The following NEIL2 variants were observed in gnomAD, a reference collection of about 807,000 sequenced individuals.
NEIL2 encodes endonuclease 8-like 2.
Under a neutral mutation model 22.2 loss-of-function variants are expected in NEIL2, and 23 were observed. That is an observed-to-expected ratio of 1.04 (90% CI 0.75 to 1.47). The LOEUF (loss-of-function observed/expected upper bound fraction) is 1.47. Among genes scored for constraint, NEIL2 ranks in the 40% most tolerant of loss-of-function variants. NEIL2 has a pLI of 0.00. For synonymous variants in NEIL2, 229 were observed against 164.8 expected (o/e 1.39, Z -2.99); for missense variants, 583 against 404.7 (o/e 1.44, Z -3.78).
At chr8:11,775,621 T>C (rs1803846958) in intron 2 of NEIL2, among the ~76,000 whole-genome samples, 1 of 152,230 alleles carries the variant, frequency 6.6e-6, no homozygotes, top group South Asian at 2.1e-4. Flanking sequence ...TTCTACTGCA[T>C]CATCAGGCTG....
At chr8:11,784,703 T>C (rs760384691) in intron 4 of NEIL2, among the ~76,000 whole-genome samples, 3 of 152,212 alleles carry the variant, frequency 2.0e-5, no homozygotes, top group Non-Finnish European at 4.4e-5. Flanking sequence ...TTGCAATGAA[T>C]GCCTGGTGGA....
intron 2 of NEIL2, among the ~76,000 whole-genome samples, chr8:11,778,999 T>C (rs1804158641): frequency 6.8e-6 from 1 of 147,762 alleles, no homozygotes; most frequent in African/African-American, 2.5e-5. Flanking sequence ...ACATTTTCTA[T>C]ATTTATTTTC....
At chr8:11,780,532 A>G (rs1804318624) in intron 3 of NEIL2, among the ~76,000 whole-genome samples, 1 of 152,114 alleles carries the variant, frequency 6.6e-6, no homozygotes, top group African/African-American at 2.4e-5. Context: ...GGTGCGTGCC[A>G]CCACACCGGC....
intron 2 of NEIL2, among the ~76,000 whole-genome samples, chr8:11,773,578 A>G (rs1247102923): frequency 1.3e-5 from 2 of 152,168 alleles, no homozygotes; most frequent in East Asian, 3.8e-4. Flanking sequence ...TGCAGGAGGT[A>G]GGACTTGAGT....
Position 11,787,304 on chromosome 8 carries a change from A to G in NEIL2, c.*1031A>G, listed in dbSNP as rs1271944241. Reference sequence around the variant, plus strand: ...CATGTTGTTGGCAACAGGTGAATGAACCTAGAGCGGTGACATGAAAATAAA... The same window carrying G: ...CATGTTGTTGGCAACAGGTGAATGAGCCTAGAGCGGTGACATGAAAATAAA... On this transcript the variant is annotated 3_prime_UTR_variant, in exon 5 of 5. Coordinates refer to ENST00000284503, the MANE Select transcript of NEIL2 (RefSeq NM_145043.4). 6.6e-6 allele frequency: 1 copy of G among 152,624 alleles called. No individual in the cohort carries two copies. Among genetic ancestry groups the G allele is most frequent in the African/African-American group, 2.4e-5 (1 of 41,436 alleles). The allele number at this position is 152,624 out of a possible 1,614,324, so 9.5% of individuals were successfully genotyped here.
intron 3 of NEIL2, 42 bp from the exon 4 acceptor site, chr8:11,783,161 T>C: frequency 6.4e-7 from 1 of 1,572,982 alleles, no homozygotes. Flanking sequence ...CTGACTATAC[T>C]GTGGTAACGA....
At chr8:11,776,950 C>T (rs1033337714) in intron 2 of NEIL2, among the ~76,000 whole-genome samples, 7 of 152,144 alleles carry the variant, frequency 4.6e-5, no homozygotes, top group Non-Finnish European at 1.5e-5. Flanking sequence ...GCTAACAGCG[C>T]ACGCCCTGGC....
Position 11,786,538 on chromosome 8 carries a change from G to A in NEIL2, c.*265G>A. 1 of 535,380 alleles carries A rather than the reference G, an allele frequency of 1.9e-6. No homozygotes were observed. The allele number at this position is 535,380 out of a possible 1,614,324, so 33.2% of individuals were successfully genotyped here. A position where few individuals can be genotyped will look rare whatever the true frequency, so the allele number is the denominator to read the frequency against. On this transcript the variant is annotated 3_prime_UTR_variant, in exon 5 of 5. Transcript: ENST00000284503. ...GGGAAAAATCGTGATGATGGGTAAG[G>A]GGAAAACTTCCCGGAAGGCAATGGG...
At chr8:11,776,088 CAAG>C (rs1255429037) in intron 2 of NEIL2, among the ~76,000 whole-genome samples, 4 of 152,142 alleles carry the variant, frequency 2.6e-5, no homozygotes, top group Non-Finnish European at 5.9e-5. Flanking sequence ...AAGACATAAC[CAAG>C]ACTTGGTAAT....
At chr8:11,779,577 A>G in intron 2 of NEIL2, 21 bp from the exon 3 acceptor site, 7 of 1,565,500 alleles carry the variant, frequency 4.5e-6, no homozygotes, top group African/African-American at 1.4e-5. Context: ...TAAGGCTTGG[A>G]TCTCTGTTCA....
chr8:11,770,834 TCTCGGGGATCAGAGATAACTG>T (rs1803371849), intron 1 of NEIL2, among the ~76,000 whole-genome samples: 1 of 152,076 alleles, frequency 6.6e-6, no homozygotes, highest in Non-Finnish European at 1.5e-5. Flanking sequence ...CACAGCTGTT[TCTCGGGGATCAGAGATAACTG>T]TCTGTAGCTA....
chr8:11,780,928 T>C (rs1299246706), intron 3 of NEIL2, among the ~76,000 whole-genome samples: 3 of 152,192 alleles, frequency 2.0e-5, no homozygotes, highest in Non-Finnish European at 2.9e-5. Context: ...AGTCTGTTTG[T>C]TTTTGTGACA....
intron 4 of NEIL2, among the ~76,000 whole-genome samples, chr8:11,785,529 T>A (rs150585964): frequency 1.3e-5 from 2 of 152,318 alleles, no homozygotes; most frequent in Non-Finnish European, 2.9e-5. Context: ...TATTGAGTAC[T>A]CTACATACCA....
At chr8:11,783,436 G>A in intron 4 of NEIL2, 37 bp downstream of exon 4, 2 of 1,592,118 alleles carry the variant, frequency 1.3e-6, no homozygotes, top group Non-Finnish European at 8.6e-7. Context: ...CCACAGAGTT[G>A]CTTCATGGAA....
intron 2 of NEIL2, among the ~76,000 whole-genome samples, chr8:11,774,818 C>T (rs1803769310): frequency 6.6e-6 from 1 of 152,254 alleles, no homozygotes; most frequent in South Asian, 2.1e-4. Flanking sequence ...TCCAGTGAGG[C>T]AGTCAAATCT....
intron 3 of NEIL2, chr8:11,782,972 T>G: frequency 1.3e-5 from 7 of 556,648 alleles, no homozygotes; most frequent in Non-Finnish European, 1.3e-5. Flanking sequence ...GTTGTGGTAA[T>G]GATGTGGGGA....
chr8:11,776,049 A>G (rs1563253884), intron 2 of NEIL2, among the ~76,000 whole-genome samples: 3 of 152,344 alleles, frequency 2.0e-5, no homozygotes, highest in South Asian at 4.1e-4. Flanking sequence ...ACCAGTTTAC[A>G]GTATTAGTCT....
At chr8:11,776,236 C>T (rs1358282706) in intron 2 of NEIL2, among the ~76,000 whole-genome samples, 1 of 152,218 alleles carries the variant, frequency 6.6e-6, no homozygotes, top group African/African-American at 2.4e-5. Flanking sequence ...TGCAGGGGAA[C>T]TGCCCTTTAT....
rs1804908019 is a variant in NEIL2 at position 11,786,049 on chromosome 8, G to T, written c.775G>T (p.Val259Phe). The T allele has an allele frequency of 6.2e-7, 1 of 1,614,058 alleles. No homozygotes were observed. The highest frequency in any genetic ancestry group is 1.3e-5 in the African/African-American group (1 of 74,922). The change falls in exon 5 of 5, where the codon GTC becomes TTC. Residue 259 changes from valine to phenylalanine, a missense_variant. Val to Phe is a conservative substitution (Grantham distance 50). Coordinates refer to ENST00000284503, the MANE Select transcript of NEIL2 (RefSeq NM_145043.4). ...AGTCCTGAGTGCCTCGCGTCGGGAGGTCCTGGTGGATCACGTGGTGGAGTT... is the reference window on the plus strand; with the variant it reads ...AGTCCTGAGTGCCTCGCGTCGGGAGTTCCTGGTGGATCACGTGGTGGAGTT... Reference protein sequence around the residue: ...GSVLSASRREVLVDHVVEFST... With the variant: ...GSVLSASRREFLVDHVVEFST...
Sources: allele counts gnomAD v4.1 joint callset (sites outside exome capture counted in the v4.1 genomes callset), GRCh38; gene constraint gnomAD v4.1.1; transcripts MANE v1.5; gene names NCBI Gene and HGNC (gene_info 2026-07-23, HGNC 2026-07-21).